GRK5: variants seen among roughly 807,000 people sequenced by gnomAD.
GRK5 encodes G protein-coupled receptor kinase 5.
GRK5 carries 40 observed loss-of-function variants against 78.4 expected under a neutral mutation model. The ratio of observed to expected loss-of-function variants is 0.51; its 90% CI spans 0.40 to 0.66. GRK5 has a LOEUF of 0.66. GRK5 is among the 30% of genes least tolerant of loss of function. The pLI is 0.00. For missense variants in GRK5, 598 were observed against 759.9 expected, an observed-to-expected ratio of 0.79 and a Z score of 2.50; for synonymous variants, 289 against 296.8, an observed-to-expected ratio of 0.97 and a Z score of 0.27.
intron 1 of GRK5, among the ~76,000 whole-genome samples, chr10:119,250,121 G>A (rs775114397): frequency 2.0e-5 from 3 of 152,196 alleles, no homozygotes; most frequent in Non-Finnish European, 2.9e-5. Context: ...CCTGTGGGGT[G>A]AATCTCCCTG....
intron 1 of GRK5, among the ~76,000 whole-genome samples, chr10:119,299,918 T>C (rs753612611): frequency 9.9e-5 from 15 of 152,110 alleles, no homozygotes; most frequent in Non-Finnish European, 1.5e-4. Context: ...ATCCGTTAAC[T>C]CGTCATTTAC....
At position 119,380,976 on chromosome 10, in the gene GRK5, G is replaced by C. The variant is rs1240380118; in HGVS notation, c.261+49G>C. The C allele has an allele frequency of 4.2e-6, 5 of 1,182,608 alleles. No individual in the cohort carries two copies. The Admixed American group carries it at 7.0e-5, about 17-fold the overall frequency. The allele number at this position is 1,182,608 out of a possible 1,614,324, so 73.3% of individuals were successfully genotyped here. On this transcript the variant is annotated intron_variant, in intron 3 of 15. Transcript: ENST00000392870. ...GGTCCTGTGGTCCTCTGTGATCAGT[G>C]ATTGTTTTGGCTCAAAGGAAAAAAT... is the stretch of plus-strand genomic sequence containing the variant.
At chr10:119,428,084 G>T (rs80235841) in intron 6 of GRK5, among the ~76,000 whole-genome samples, 12,021 of 152,286 alleles carry the variant, frequency 0.079, 695 homozygotes, top group East Asian at 0.24. Context: ...CCAATTACAG[G>T]GCAGTCTAGT....
At chr10:119,301,723 G>T (rs571595013) in intron 1 of GRK5, among the ~76,000 whole-genome samples, 1 of 152,168 alleles carries the variant, frequency 6.6e-6, no homozygotes, top group East Asian at 1.9e-4. Flanking sequence ...GTCAAACCGT[G>T]GGTTTTCTGA....
intron 12 of GRK5, 80 bp downstream of exon 12, chr10:119,443,832 A>G: frequency 8.0e-7 from 1 of 1,243,158 alleles, no homozygotes; most frequent in Non-Finnish European, 1.1e-6. Context: ...TCCCCAGAAC[A>G]GCAAACAGGC....
At chr10:119,429,134 G>C (rs536950488) in intron 6 of GRK5, among the ~76,000 whole-genome samples, 1 of 152,182 alleles carries the variant, frequency 6.6e-6, no homozygotes, top group African/African-American at 2.4e-5. Flanking sequence ...GCTCTGCTTC[G>C]GTGGGGTTTG....
intron 1 of GRK5, among the ~76,000 whole-genome samples, chr10:119,295,687 A>G (rs1291301655): frequency 1.3e-5 from 2 of 151,124 alleles, no homozygotes; most frequent in African/African-American, 4.9e-5. Flanking sequence ...TATTACTCTA[A>G]GTGAAGTAAC....
At chr10:119,406,442 G>A in intron 4 of GRK5, 1 of 983,872 alleles carries the variant, frequency 1.0e-6, no homozygotes, top group Non-Finnish European at 1.2e-6. Context: ...AACCAAGGGT[G>A]TGAAATATGG....
intron 1 of GRK5, among the ~76,000 whole-genome samples, chr10:119,224,614 A>G (rs1334208210): frequency 2.0e-5 from 3 of 151,990 alleles, no homozygotes; most frequent in Non-Finnish European, 2.9e-5. Flanking sequence ...GGGTTTCACC[A>G]TGTTGGTCAG....
intron 2 of GRK5, 128 bp from the exon 3 acceptor site, chr10:119,380,687 C>T (rs772012091): frequency 5.1e-5 from 31 of 603,598 alleles, no homozygotes; most frequent in African/African-American, 1.3e-4. Context: ...ATGAAGAAGG[C>T]GTTCTGAGAG....
At chr10:119,386,462 A>T (rs1851795576) in intron 3 of GRK5, among the ~76,000 whole-genome samples, 1 of 152,144 alleles carries the variant, frequency 6.6e-6, no homozygotes, top group Non-Finnish European at 1.5e-5. Flanking sequence ...AAGGGGGGAA[A>T]AAAATCCAAT....
intron 1 of GRK5, among the ~76,000 whole-genome samples, chr10:119,280,268 T>A (rs1407039492): frequency 1.3e-5 from 2 of 152,254 alleles, no homozygotes; most frequent in East Asian, 3.8e-4. Context: ...CTGAGTGTCC[T>A]GAGGCCATGG....
chr10:119,208,245 C>G (rs1317592241), intron 1 of GRK5, among the ~76,000 whole-genome samples: 1 of 152,226 alleles, frequency 6.6e-6, no homozygotes, highest in Non-Finnish European at 1.5e-5. Context: ...GCCATCTCGG[C>G]AGCTGTTGAA....
At chr10:119,307,061 T>C (rs1850283367) in intron 1 of GRK5, among the ~76,000 whole-genome samples, 1 of 151,934 alleles carries the variant, frequency 6.6e-6, no homozygotes, top group Admixed American at 6.6e-5. Context: ...AGGTGGAGAG[T>C]AGGGGATAAT....
intron 1 of GRK5, among the ~76,000 whole-genome samples, chr10:119,289,594 A>C (rs1849915300): frequency 6.6e-6 from 1 of 152,246 alleles, no homozygotes; most frequent in African/African-American, 2.4e-5. Flanking sequence ...ATAGTCACAC[A>C]GCCACCTGGA....
chr10:119,318,689 A>G (rs1850532870), intron 1 of GRK5, among the ~76,000 whole-genome samples: 1 of 152,086 alleles, frequency 6.6e-6, no homozygotes, highest in African/African-American at 2.4e-5. Flanking sequence ...CCACAGGGAC[A>G]ATGCCTTCCT....
At chr10:119,396,905 A>T (rs1852064668) in intron 4 of GRK5, 133 bp downstream of exon 4, 1 of 740,518 alleles carries the variant, frequency 1.4e-6, no homozygotes, top group Non-Finnish European at 2.4e-6. Context: ...ACCTCCTGAG[A>T]TCACAGTTCC....
chr10:119,391,516 C>A (rs1851887817), intron 3 of GRK5, among the ~76,000 whole-genome samples: 1 of 152,222 alleles, frequency 6.6e-6, no homozygotes, highest in African/African-American at 2.4e-5. Context: ...GATGCAACAC[C>A]CCTGAGCCTC....
Position 119,457,972 on chromosome 10 carries a change from G to GA in GRK5, c.*2905_*2906insA, listed in dbSNP as rs1049510773. On this transcript the variant is annotated 3_prime_UTR_variant, in exon 16 of 16. Transcript: ENST00000392870. ...GCCTCCCAAAGTGCTGAGGTTATAG[G>GA]TGTGAGCCACTGTCCCTGGCCTATA... The GA allele has an allele frequency of 4.6e-5, 7 of 152,130 alleles. No individual in the cohort carries two copies. Among genetic ancestry groups the GA allele is most frequent in the Non-Finnish European group, 7.3e-5 (5 of 68,044 alleles). The allele number at this position is 152,130 out of a possible 1,614,324, so 9.4% of individuals were successfully genotyped here. A position where few individuals can be genotyped will look rare whatever the true frequency, so the allele number is the denominator to read the frequency against.
Sources: gnomAD v4.1 joint callset for allele counts (sites outside exome capture counted in the v4.1 genomes callset) on GRCh38, gnomAD v4.1.1 for gene constraint, MANE v1.5 for transcripts, NCBI Gene and HGNC (gene_info 2026-07-23, HGNC 2026-07-21) for gene names.